The following DGKB variants were observed in gnomAD, a reference collection of about 807,000 sequenced individuals.
DGKB encodes 90 kDa diacylglycerol kinase.
DGKB carries 67 observed loss-of-function variants against 114.3 expected under a neutral mutation model. That is an observed-to-expected ratio of 0.59 (90% CI 0.48 to 0.72). The LOEUF is 0.72. DGKB is among the 30% of genes least tolerant of loss of function. The probability of loss-of-function intolerance (pLI) is 0.00; values close to 1 mark genes in which losing one functional copy is unlikely to be tolerated. For missense variants in DGKB, 907 were observed against 975.2 expected (o/e 0.93, Z 0.93); for synonymous variants, 398 against 323.1 (o/e 1.23, Z -2.49).
At chr7:14,346,546 T>C (rs914528965) in intron 21 of DGKB, among the ~76,000 whole-genome samples, 1 of 151,960 alleles carries the variant, frequency 6.6e-6, no homozygotes, top group African/African-American at 2.4e-5. Context: ...TTTCATAGGA[T>C]TCTAGCACCA....
intron 2 of DGKB, among the ~76,000 whole-genome samples, chr7:14,833,435 T>G (rs528024215): frequency 2.6e-5 from 4 of 152,140 alleles, no homozygotes; most frequent in African/African-American, 4.8e-5. Context: ...TTTATGAAGA[T>G]TGATTTGTTA....
intron 1 of DGKB, among the ~76,000 whole-genome samples, chr7:14,926,181 A>G (rs1290669150): frequency 6.6e-6 from 1 of 152,090 alleles, no homozygotes; most frequent in African/African-American, 2.4e-5. Context: ...GTGATGGATT[A>G]CATTTCATAC....
intron 1 of DGKB, among the ~76,000 whole-genome samples, chr7:14,891,770 A>C (rs967700245): frequency 6.6e-6 from 1 of 151,500 alleles, no homozygotes; most frequent in African/African-American, 2.4e-5. Context: ...CTCTCTTTTC[A>C]TAAGAAAATA....
chr7:14,398,733 G>T (rs1322001052), intron 21 of DGKB, among the ~76,000 whole-genome samples: 1 of 151,494 alleles, frequency 6.6e-6, no homozygotes, highest in African/African-American at 2.4e-5. Flanking sequence ...GTTGGCATTT[G>T]TTATCTGGAG....
intron 1 of DGKB, among the ~76,000 whole-genome samples, chr7:14,948,833 G>T (rs981285908): frequency 7.9e-5 from 12 of 151,704 alleles, no homozygotes; most frequent in Admixed American, 7.2e-4. Flanking sequence ...GAATCTAGAA[G>T]ATATGGGAGT....
At chr7:14,175,516 T>A (rs1344579171) in intron 25 of DGKB, among the ~76,000 whole-genome samples, 1 of 152,130 alleles carries the variant, frequency 6.6e-6, no homozygotes, top group Non-Finnish European at 1.5e-5. Context: ...CACTTTGATT[T>A]TACTTCCCTG....
intron 13 of DGKB, among the ~76,000 whole-genome samples, chr7:14,631,331 C>G (rs1809669545): frequency 6.6e-6 from 1 of 150,602 alleles, no homozygotes; most frequent in Non-Finnish European, 1.5e-5. Context: ...ACCCTCACAG[C>G]TGTGCAGAAT....
intron 17 of DGKB, among the ~76,000 whole-genome samples, chr7:14,585,648 T>A: frequency 6.6e-6 from 1 of 152,222 alleles, no homozygotes; most frequent in Non-Finnish European, 1.5e-5. Context: ...TTACTCTTTA[T>A]TGAGTTTAGC....
chr7:14,580,281 GTCTTTCCCT>G (rs770159062), intron 19 of DGKB, among the ~76,000 whole-genome samples: 131 of 152,190 alleles, frequency 8.6e-4, no homozygotes, highest in Admixed American at 3.3e-3. Flanking sequence ...CCTCAGTGAG[GTCTTTCCCT>G]ATAATGATCA....
chr7:14,771,404 G>A (rs1325633463), intron 2 of DGKB, among the ~76,000 whole-genome samples: 1 of 152,036 alleles, frequency 6.6e-6, no homozygotes, highest in Non-Finnish European at 1.5e-5. Flanking sequence ...TAAGCAGCCT[G>A]ACCCTCACTT....
intron 25 of DGKB, among the ~76,000 whole-genome samples, chr7:14,155,070 G>C (rs914167256): frequency 4.5e-4 from 68 of 152,136 alleles, no homozygotes; most frequent in African/African-American, 1.6e-3. Flanking sequence ...AACGCCAGAT[G>C]ATTCCTCTGT....
intron 23 of DGKB, among the ~76,000 whole-genome samples, chr7:14,193,677 A>C (rs1784622292): frequency 6.6e-6 from 1 of 152,204 alleles, no homozygotes; most frequent in Non-Finnish European, 1.5e-5. Flanking sequence ...ACAGACAACG[A>C]AAGCAAAAAG....
intron 1 of DGKB, among the ~76,000 whole-genome samples, chr7:14,914,607 G>A (rs1784146825): frequency 6.6e-6 from 1 of 151,970 alleles, no homozygotes; most frequent in Non-Finnish European, 1.5e-5. Context: ...ACAAAAAATT[G>A]TAAAGCATAC....
At chr7:14,228,243 G>T (rs1791138308) in intron 23 of DGKB, among the ~76,000 whole-genome samples, 1 of 151,992 alleles carries the variant, frequency 6.6e-6, no homozygotes, top group African/African-American at 2.4e-5. Context: ...TGGAGTTAGT[G>T]TTATTATTTT....
chr7:14,798,784 G>T (rs1190624181), intron 2 of DGKB, among the ~76,000 whole-genome samples: 1 of 152,152 alleles, frequency 6.6e-6, no homozygotes, highest in African/African-American at 2.4e-5. Context: ...CCCATCCTGT[G>T]GTTATTTCCC....
chr7:14,497,831 A>G (rs1180824730), intron 20 of DGKB, among the ~76,000 whole-genome samples: 2 of 151,894 alleles, frequency 1.3e-5, no homozygotes, highest in Non-Finnish European at 2.9e-5. Flanking sequence ...CTTCTGTTCT[A>G]GGAGATGGCT....
rs543160939 is a variant in DGKB, at chr7:14,681,946, A to G, written c.1035+607T>C. On this transcript the variant is annotated intron_variant, in intron 12 of 25. Coordinates refer to ENST00000402815, the MANE Select transcript of DGKB (RefSeq NM_001350709.2). ...GATTTAACTGAAAGAGGAAGGCAAC[A>G]ATATGTTGGAAGAAGCGTAAGATGA... 2.0e-5 allele frequency among the ~76,000 whole-genome samples: 3 copies of G among 152,200 alleles called. No individual in the cohort carries two copies. The South Asian group carries it at 6.2e-4, about 31-fold the overall frequency.
At chr7:14,734,374 C>G (rs1415495562) in intron 5 of DGKB, among the ~76,000 whole-genome samples, 1 of 152,106 alleles carries the variant, frequency 6.6e-6, no homozygotes, top group African/African-American at 2.4e-5. Context: ...CTTTGTGATA[C>G]TAGAGCTGGG....
At chr7:14,379,609 G>C (rs1482988240) in intron 21 of DGKB, among the ~76,000 whole-genome samples, 1 of 151,986 alleles carries the variant, frequency 6.6e-6, no homozygotes, top group Admixed American at 6.5e-5. Context: ...GCCCAGGCTG[G>C]AGTGCAGTGG....
Sources: allele counts gnomAD v4.1 joint callset (sites outside exome capture counted in the v4.1 genomes callset), GRCh38; gene constraint gnomAD v4.1.1; transcripts MANE v1.5; gene names NCBI Gene and HGNC (gene_info 2026-07-23, HGNC 2026-07-21).